The following LRRC49 variants were observed in gnomAD, a reference collection of about 807,000 sequenced individuals.
LRRC49 encodes the protein leucine rich repeat containing 49.
A neutral mutation model predicts 83.3 loss-of-function variants in LRRC49; 50 were observed. That is an observed-to-expected ratio of 0.60 (90% confidence interval 0.48 to 0.76). The LOEUF (loss-of-function observed/expected upper bound fraction) is 0.76, where lower values mean the gene tolerates loss of function less well. Among genes scored for constraint, LRRC49 ranks in the 30% least tolerant of loss-of-function variants. The probability of loss-of-function intolerance (pLI) is 0.00; values close to 1 mark genes in which losing one functional copy is unlikely to be tolerated. For missense variants in LRRC49, 704 were observed against 809.1 expected (o/e 0.87, Z 1.58); for synonymous variants, 286 against 283.3 (o/e 1.01, Z -0.10).
intron 11 of LRRC49, among the ~76,000 whole-genome samples, chr15:70,995,853 T>C (rs1370135642): frequency 6.6e-6 from 1 of 152,174 alleles, no homozygotes; most frequent in East Asian, 1.9e-4. Context: ...TGTTGTGCCT[T>C]ATGCTTACTG....
chr15:71,043,662 T>G (rs2039763595), intron 15 of LRRC49, among the ~76,000 whole-genome samples: 1 of 152,164 alleles, frequency 6.6e-6, no homozygotes, highest in Non-Finnish European at 1.5e-5. Flanking sequence ...AATCATGAAG[T>G]AGAAATGCTT....
chr15:70,891,548 T>C (rs1367956948), upstream of LRRC49, among the ~76,000 whole-genome samples: 1 of 149,978 alleles, frequency 6.7e-6, no homozygotes, highest in African/African-American at 2.4e-5. Context: ...AGCAACTCAC[T>C]ACTCTGCAGG....
At chr15:70,981,891 C>CTTTTT (rs11339326) in intron 10 of LRRC49, among the ~76,000 whole-genome samples, 2 of 112,100 alleles carry the variant, frequency 1.8e-5, no homozygotes, top group Non-Finnish European at 3.7e-5. Context: ...TTTGCTTCTT[C>CTTTTT]TTTTTTTTTT....
At chr15:70,861,401 G>C (rs1418514365) in intron 1 of LRRC49, among the ~76,000 whole-genome samples, 1 of 80,076 alleles carries the variant, frequency 1.2e-5, no homozygotes, top group Non-Finnish European at 3.5e-5. Context: ...GTGTTCTAGT[G>C]GGGGAACCAG....
At chr15:70,889,528 T>C (rs2033498585), upstream of LRRC49, among the ~76,000 whole-genome samples, 1 of 152,216 alleles carries the variant, frequency 6.6e-6, no homozygotes, top group Admixed American at 6.5e-5. Context: ...ACTTAAGATT[T>C]GTTCACTTTT....
chr15:70,950,051 A>C (rs1450974288), intron 8 of LRRC49, among the ~76,000 whole-genome samples: 2 of 152,110 alleles, frequency 1.3e-5, no homozygotes, highest in Non-Finnish European at 2.9e-5. Flanking sequence ...CTTATAAGTG[A>C]GAACATGCAA....
At chr15:70,894,566 C>T (rs2033748439) in intron 2 of LRRC49, 1 of 1,171,476 alleles carries the variant, frequency 8.5e-7, no homozygotes, top group Admixed American at 2.8e-5. Flanking sequence ...TTCTGTCTCA[C>T]CTCAGCATTT....
intron 14 of LRRC49, among the ~76,000 whole-genome samples, chr15:71,015,192 G>A (rs941991537): frequency 3.9e-5 from 6 of 152,270 alleles, no homozygotes; most frequent in Admixed American, 6.5e-5. Context: ...TTTAAGAAGA[G>A]GATGTTTGGT....
chr15:71,018,847 T>C (rs978950258), intron 14 of LRRC49, among the ~76,000 whole-genome samples: 3 of 152,190 alleles, frequency 2.0e-5, no homozygotes, highest in African/African-American at 2.4e-5. Flanking sequence ...CAGCTAAGAA[T>C]TGAGATTCTG....
At chr15:70,862,894 A>G (rs1052279274) in intron 1 of LRRC49, among the ~76,000 whole-genome samples, 1 of 152,068 alleles carries the variant, frequency 6.6e-6, no homozygotes, top group Admixed American at 6.6e-5. Flanking sequence ...CATGTGCACT[A>G]TTTCTTAGCA....
rs988756639 is a variant in LRRC49, at chr15:71,037,459, T to G, written c.1857+127T>G. ...TGTTCTGGAATATTTGTCAACCTTA[T>G]ATTACAAAGCCAGGGACAGTAGGTA... On this transcript the variant is annotated intron_variant, in intron 15 of 15. Coordinates refer to ENST00000260382, the MANE Select transcript of LRRC49 (RefSeq NM_017691.5). 33 of 751,134 alleles carry G rather than the reference T, an allele frequency of 4.4e-5. No individual in the cohort carries two copies. The Admixed American group carries it at 9.8e-4, about 22-fold the overall frequency. 46.5% of individuals were successfully genotyped at this position (751,134 alleles called of 1,614,324 possible).
At chr15:70,956,068 A>G (rs1028995196) in intron 8 of LRRC49, among the ~76,000 whole-genome samples, 1 of 152,214 alleles carries the variant, frequency 6.6e-6, no homozygotes, top group African/African-American at 2.4e-5. Context: ...CCTTGCTGGT[A>G]TAAAAGAGTA....
At position 71,049,617 on chromosome 15, in the gene LRRC49, G is replaced by A. The variant is rs756617978; in HGVS notation, c.*5G>A. Reference sequence around the variant, plus strand: ...CAGATAACAGACCAAAAATAAAAATGGCCTTTAGTTACAGTTGATTTTGGC... The same window carrying A: ...CAGATAACAGACCAAAAATAAAAATAGCCTTTAGTTACAGTTGATTTTGGC... On this transcript the variant is annotated 3_prime_UTR_variant, in exon 16 of 16. Coordinates refer to ENST00000260382, the MANE Select transcript of LRRC49 (RefSeq NM_017691.5). 2.5e-6 allele frequency: 4 copies of A among 1,595,662 alleles called. No homozygotes were observed. The highest frequency in any genetic ancestry group is 3.4e-6 in the Non-Finnish European group (4 of 1,172,516).
At chr15:70,991,025 C>T (rs1167401554) in intron 11 of LRRC49, among the ~76,000 whole-genome samples, 6 of 152,206 alleles carry the variant, frequency 3.9e-5, no homozygotes, top group Non-Finnish European at 7.3e-5. Flanking sequence ...GACTTGACTC[C>T]TGCTGTGTCC....
intron 9 of LRRC49, among the ~76,000 whole-genome samples, chr15:70,971,342 A>G (rs970023620): frequency 6.6e-6 from 1 of 152,126 alleles, no homozygotes; most frequent in Non-Finnish European, 1.5e-5. Flanking sequence ...GTGGTCCGAG[A>G]GACTGTTTGT....
chr15:70,989,551 T>C (rs900906059), intron 11 of LRRC49, among the ~76,000 whole-genome samples: 14 of 152,182 alleles, frequency 9.2e-5, no homozygotes, highest in Admixed American at 2.6e-4. Flanking sequence ...TTTTTCAGTT[T>C]TCAACTTCTT....
intron 11 of LRRC49, among the ~76,000 whole-genome samples, chr15:70,998,575 A>T (rs1318763069): frequency 6.6e-6 from 1 of 151,914 alleles, no homozygotes; most frequent in African/African-American, 2.4e-5. Context: ...CTTGTCCATT[A>T]TGAGTAACTT....
intron 14 of LRRC49, among the ~76,000 whole-genome samples, chr15:71,033,259 A>C (rs1383723591): frequency 6.6e-6 from 1 of 152,206 alleles, no homozygotes; most frequent in Non-Finnish European, 1.5e-5. Context: ...ACTCCCATTC[A>C]CAATTGCTAC....
At chr15:70,980,520 G>A (rs1002236202) in intron 10 of LRRC49, among the ~76,000 whole-genome samples, 3 of 150,354 alleles carry the variant, frequency 2.0e-5, no homozygotes, top group African/African-American at 4.9e-5. Flanking sequence ...CTTTTGGAAC[G>A]TACTGTAATT....
Sources: gnomAD v4.1 joint callset for allele counts (sites outside exome capture counted in the v4.1 genomes callset) on GRCh38, gnomAD v4.1.1 for gene constraint, MANE v1.5 for transcripts, NCBI Gene and HGNC (gene_info 2026-07-23, HGNC 2026-07-21) for gene names.